Variants in ACSL4 observed in about 807,000 individuals in gnomAD.
ACSL4 encodes acyl-CoA synthetase long chain family member 4.
ACSL4 carries 9 observed loss-of-function variants against 49.1 expected under a neutral mutation model. That is an observed-to-expected ratio of 0.18 (90% CI 0.11 to 0.32). The LOEUF is 0.32. Among genes scored for constraint, ACSL4 ranks in the 10% least tolerant of loss-of-function variants. The pLI, the probability that ACSL4 is intolerant of heterozygous loss-of-function variation, is 1.00. For missense variants in ACSL4, 333 were observed against 493.7 expected, an observed-to-expected ratio of 0.67 and a Z score of 3.08; for synonymous variants, 191 against 170.3, an observed-to-expected ratio of 1.12 and a Z score of -0.95.
intron 15 of ACSL4, among the ~76,000 whole-genome samples, chrX:109,650,486 G>A (rs839402): frequency 0.45 from 40,672 of 91,008 alleles, 8,593 homozygotes; most frequent in East Asian, 0.83. Flanking sequence ...ATGAGAACAC[G>A]TGGACACAGG....
chrX:109,678,555 T>A, intron 6 of ACSL4, 140 bp from the exon 7 acceptor site: 1 of 761,907 alleles, frequency 1.3e-6, no homozygotes, highest in Non-Finnish European at 1.9e-6. Flanking sequence ...ACGAGCTGGG[T>A]GAGGTGGCTC....
At chrX:109,676,035 A>T (rs1191095318) in intron 8 of ACSL4, among the ~76,000 whole-genome samples, 1 of 111,812 alleles carries the variant, frequency 8.9e-6, no homozygotes, top group Non-Finnish European at 1.9e-5. Flanking sequence ...GCGTTCTCAC[A>T]GAAAAAGCCA....
intron 11 of ACSL4, among the ~76,000 whole-genome samples, chrX:109,667,663 G>A (rs1367669315): frequency 1.8e-5 from 2 of 111,977 alleles, no homozygotes; most frequent in South Asian, 3.7e-4. Context: ...TTGGGAGGCC[G>A]AGGCAGGCAG....
At chrX:109,650,223 C>A (rs912229350) in intron 15 of ACSL4, among the ~76,000 whole-genome samples, 1 of 111,337 alleles carries the variant, frequency 9.0e-6, no homozygotes, top group Non-Finnish European at 1.9e-5. Flanking sequence ...AAGACAGATG[C>A]ACACATATGT....
intron 1 of ACSL4, among the ~76,000 whole-genome samples, chrX:109,727,330 T>C (rs1011113805): frequency 9.0e-6 from 1 of 111,651 alleles, no homozygotes; most frequent in African/African-American, 3.3e-5. Context: ...AAAGATCACA[T>C]AGCAGTTTCA....
In ACSL4 at chrX:109,663,260, G is replaced by A. The variant is rs1922321157; in HGVS notation, c.1533C>T (p.Cys511=). Residue 511 remains cysteine, a synonymous_variant, in exon 13 of 16, where the codon TGC becomes TGT. Coordinates refer to ENST00000672401, the MANE Select transcript of ACSL4 (RefSeq NM_001318510.2). ...GATGGAATTCTCCAATATCACCAGT[G>A]CAAAACCACCTTTGTCCATTTTCAT... ...SVDENGQRWF[C]TGDIGEFHPD... The A allele has an allele frequency of 2.5e-6, 3 of 1,209,359 alleles. No individual in the cohort carries two copies. Among genetic ancestry groups the A allele is most frequent in the Non-Finnish European group, 3.4e-6 (3 of 893,690 alleles).
chrX:109,666,844 G>A (rs1922686493), intron 11 of ACSL4, among the ~76,000 whole-genome samples: 1 of 112,111 alleles, frequency 8.9e-6, no homozygotes, highest in African/African-American at 3.2e-5. Flanking sequence ...GAACCCGGGA[G>A]GCGGAGGTTG....
intron 9 of ACSL4, among the ~76,000 whole-genome samples, chrX:109,671,130 G>A (rs1923174627): frequency 9.3e-6 from 1 of 107,489 alleles, no homozygotes; most frequent in Non-Finnish European, 1.9e-5. Context: ...CGCCCAGTCT[G>A]GGAAGTGAGG....
intron 15 of ACSL4, among the ~76,000 whole-genome samples, chrX:109,653,978 T>A (rs1921412378): frequency 9.1e-6 from 1 of 109,803 alleles, no homozygotes; most frequent in Non-Finnish European, 1.9e-5. Context: ...AAAAATTTAT[T>A]TGAAAAAATA....
chrX:109,720,093 G>A (rs1449940151), intron 1 of ACSL4, among the ~76,000 whole-genome samples: 2 of 111,691 alleles, frequency 1.8e-5, no homozygotes, highest in Non-Finnish European at 3.8e-5. Context: ...GCCAAGGCAG[G>A]TAGATCACTT....
At chrX:109,701,206 A>T (rs1351956782) in intron 1 of ACSL4, among the ~76,000 whole-genome samples, 2 of 110,602 alleles carry the variant, frequency 1.8e-5, no homozygotes, top group Non-Finnish European at 3.8e-5. Flanking sequence ...AGCATATTCT[A>T]ATACACACAT....
At chrX:109,657,656 T>G (rs1415502138) in intron 15 of ACSL4, among the ~76,000 whole-genome samples, 1 of 111,613 alleles carries the variant, frequency 9.0e-6, no homozygotes. Flanking sequence ...TTTGCTCTTG[T>G]GAATAGTGCT....
intron 1 of ACSL4, among the ~76,000 whole-genome samples, chrX:109,725,127 T>C (rs1401806030): frequency 7.3e-5 from 8 of 109,778 alleles, no homozygotes; most frequent in East Asian, 2.9e-4. Context: ...GTCTCCCAGG[T>C]TGGAATGCAG....
chrX:109,667,408 C>A (rs950391818), intron 11 of ACSL4, among the ~76,000 whole-genome samples: 1 of 112,377 alleles, frequency 8.9e-6, no homozygotes, highest in Admixed American at 9.4e-5. Context: ...GGTTGGGAAA[C>A]CTCGCTTCAG....
chrX:109,711,450 C>A (rs1399528773), intron 1 of ACSL4, among the ~76,000 whole-genome samples: 2 of 111,769 alleles, frequency 1.8e-5, no homozygotes, highest in African/African-American at 6.5e-5. Context: ...TGACCTAGGG[C>A]AAAATATTTA....
chrX:109,678,336 C>A lies in ACSL4; in HGVS notation c.735G>T (p.Lys245Asn), dbSNP rs1278779080. 1 of 1,211,796 alleles carries A rather than the reference C, an allele frequency of 8.3e-7. No individual in the cohort carries two copies. The highest frequency in any genetic ancestry group is 1.8e-5 in the South Asian group (1 of 57,002). ...AATTGCTATGATGCATCATCACTCC[C>A]TTAGGTCGGCCAGTAGAACCACTAG... ...MYTSGSTGRP[K>N]GVMMHHSNLI... The change falls in exon 7 of 16, where the codon AAG (lysine) becomes AAT (asparagine). Residue 245 changes from lysine (K) to asparagine (N), a missense_variant. Physicochemically the swap from Lys to Asn is moderately conservative, Grantham distance 94. Coordinates refer to ENST00000672401, the MANE Select transcript of ACSL4 (RefSeq NM_001318510.2).
intron 11 of ACSL4, among the ~76,000 whole-genome samples, chrX:109,666,997 A>G (rs1246576627): frequency 8.9e-6 from 1 of 111,887 alleles, no homozygotes; most frequent in African/African-American, 3.2e-5. Context: ...GAAAGGAGAA[A>G]CCTAATGAAG....
At chrX:109,707,902 G>A (rs192811395) in intron 1 of ACSL4, among the ~76,000 whole-genome samples, 39 of 111,664 alleles carry the variant, frequency 3.5e-4, no homozygotes, top group Admixed American at 2.6e-3. Context: ...AATTTATGTA[G>A]GCTATAAACC....
chrX:109,680,642 T>C (rs948829285), intron 6 of ACSL4, among the ~76,000 whole-genome samples: 4 of 112,694 alleles, frequency 3.5e-5, no homozygotes, highest in African/African-American at 1.3e-4. Context: ...TAAGCATTTA[T>C]TTCAGAAAGT....
Sources: allele counts gnomAD v4.1 joint callset (sites outside exome capture counted in the v4.1 genomes callset), GRCh38; gene constraint gnomAD v4.1.1; transcripts MANE v1.5; gene names NCBI Gene and HGNC (gene_info 2026-07-23, HGNC 2026-07-21).